VRK2: variants seen among roughly 807,000 people sequenced by gnomAD.
The protein encoded by VRK2 is serine/threonine-protein kinase VRK2.
VRK2 carries 60 observed loss-of-function variants against 57.6 expected under a neutral mutation model. The ratio of observed to expected loss-of-function variants is 1.04; its 90% confidence interval spans 0.85 to 1.29. The LOEUF is 1.29. Among genes scored for constraint, VRK2 ranks in the 50% most tolerant of loss-of-function variants. VRK2 has a pLI of 0.00. For missense variants in VRK2, 705 were observed against 588.1 expected, an observed-to-expected ratio of 1.20 and a Z score of -2.06; for synonymous variants, 231 against 199.2, an observed-to-expected ratio of 1.16 and a Z score of -1.35.
chr2:58,090,653 G>T (rs956000890), intron 7 of VRK2, among the ~76,000 whole-genome samples: 7 of 152,144 alleles, frequency 4.6e-5, no homozygotes, highest in Non-Finnish European at 1.0e-4. Flanking sequence ...CAGTTGGGCA[G>T]TTACTTAGAA....
chr2:58,027,074 T>C (rs745839582), intron 2 of VRK2, among the ~76,000 whole-genome samples: 6 of 152,112 alleles, frequency 3.9e-5, no homozygotes, highest in Non-Finnish European at 7.4e-5. Context: ...TTTAAACTTT[T>C]ATTTAAATAA....
chr2:57,991,791 CA>C (rs1205548555), intron 1 of VRK2, among the ~76,000 whole-genome samples: 8,636 of 113,902 alleles, frequency 0.076, 770 homozygotes, highest in African/African-American at 0.23. Context: ...ACTAAAAATA[CA>C]AAAAAAAAAA....
At chr2:57,951,917 T>G (rs537696291) in intron 1 of VRK2, among the ~76,000 whole-genome samples, 1 of 146,194 alleles carries the variant, frequency 6.8e-6, no homozygotes, top group South Asian at 2.1e-4. Flanking sequence ...GTAATTTTTT[T>G]TCCTTCCTTT....
intron 1 of VRK2, among the ~76,000 whole-genome samples, chr2:57,998,246 T>C (rs1672986535): frequency 6.6e-6 from 1 of 152,238 alleles, no homozygotes; most frequent in African/African-American, 2.4e-5. Context: ...ATTATGAGTA[T>C]CATGTTTCCA....
At chr2:57,985,813 G>A (rs1672576764) in intron 1 of VRK2, among the ~76,000 whole-genome samples, 1 of 151,980 alleles carries the variant, frequency 6.6e-6, no homozygotes, top group African/African-American at 2.4e-5. Context: ...AAAATCCTAA[G>A]GAATCCACTA....
intron 1 of VRK2, among the ~76,000 whole-genome samples, chr2:57,990,954 A>G (rs1672747171): frequency 6.6e-6 from 1 of 152,192 alleles, no homozygotes; most frequent in African/African-American, 2.4e-5. Flanking sequence ...AGTTGGGAAT[A>G]GGAATTTTAT....
In VRK2 at chr2:58,064,245, T is replaced by C. The variant is rs940028013; in HGVS notation, c.136+15278T>C. On this transcript the variant is annotated intron_variant, in intron 2 of 12. Coordinates refer to ENST00000340157, the MANE Select transcript of VRK2 (RefSeq NM_006296.7). ...GTCTTCAATTTTGAAAGGTCTGTTGTAGATAAAATGCTAACAAACAACATT... is the reference window on the plus strand; with the variant it reads ...GTCTTCAATTTTGAAAGGTCTGTTGCAGATAAAATGCTAACAAACAACATT... Among the ~76,000 whole-genome samples the C allele has an allele frequency of 3.9e-5, 6 of 152,200 alleles. No individual in the cohort carries two copies. In the South Asian group the frequency reaches 1.2e-3, roughly 32 times the overall value.
intron 1 of VRK2, among the ~76,000 whole-genome samples, chr2:58,001,286 G>A (rs1462167673): frequency 6.6e-6 from 1 of 152,060 alleles, no homozygotes; most frequent in Admixed American, 6.5e-5. Context: ...TTGCTTACTT[G>A]AACAAATACT....
chr2:58,088,546 A>G (rs1671949574), intron 6 of VRK2, 100 bp downstream of exon 6: 19 of 951,048 alleles, frequency 2.0e-5, no homozygotes, highest in Middle Eastern at 2.4e-4. Flanking sequence ...ATGAAGGATT[A>G]TTGCCCTAGA....
intron 7 of VRK2, among the ~76,000 whole-genome samples, chr2:58,106,025 T>A (rs1468449578): frequency 3.3e-5 from 5 of 151,910 alleles, no homozygotes; most frequent in African/African-American, 4.8e-5. Flanking sequence ...AAAGTCTTGA[T>A]TAGGTTCAGA....
At chr2:58,089,129 G>T (rs1672028187) in intron 6 of VRK2, among the ~76,000 whole-genome samples, 1 of 152,162 alleles carries the variant, frequency 6.6e-6, no homozygotes, top group African/African-American at 2.4e-5. Context: ...AACATGCAAG[G>T]CTGAAGGGCT....
upstream of VRK2, among the ~76,000 whole-genome samples, chr2:58,043,849 A>C (rs1159770811): frequency 6.6e-6 from 1 of 152,220 alleles, no homozygotes; most frequent in Non-Finnish European, 1.5e-5. Flanking sequence ...AATATAAGAG[A>C]GTTCCAAGTT....
At chr2:57,972,406 C>T (rs925118180) in intron 1 of VRK2, among the ~76,000 whole-genome samples, 25 of 151,926 alleles carry the variant, frequency 1.6e-4, no homozygotes, top group Non-Finnish European at 2.9e-4. Context: ...TTTGCTTTAT[C>T]TTACTATACA....
chr2:58,006,676 G>T (rs1209579797), intron 1 of VRK2, among the ~76,000 whole-genome samples: 5 of 152,122 alleles, frequency 3.3e-5, no homozygotes, highest in Non-Finnish European at 5.9e-5. Flanking sequence ...AATCTCCAAG[G>T]CAAGGTGGGT....
intron 1 of VRK2, among the ~76,000 whole-genome samples, chr2:57,990,498 C>T (rs762608625): frequency 2.0e-5 from 3 of 152,138 alleles, no homozygotes; most frequent in Non-Finnish European, 4.4e-5. Flanking sequence ...AATACATTAA[C>T]GTTTGCCTTT....
intron 1 of VRK2, among the ~76,000 whole-genome samples, chr2:57,988,627 C>A (rs1672671543): frequency 6.6e-6 from 1 of 152,222 alleles, no homozygotes; most frequent in Non-Finnish European, 1.5e-5. Flanking sequence ...GAATATCCAT[C>A]TTATTCTGCC....
intron 1 of VRK2, among the ~76,000 whole-genome samples, chr2:57,981,136 G>C (rs1672411815): frequency 6.6e-6 from 1 of 152,136 alleles, no homozygotes; most frequent in South Asian, 2.1e-4. Context: ...ATGTCAGTGG[G>C]CTATGTACTT....
At chr2:58,156,579 G>GGTGTT (rs1271440208) in intron 12 of VRK2, among the ~76,000 whole-genome samples, 1 of 139,126 alleles carries the variant, frequency 7.2e-6, no homozygotes, top group African/African-American at 3.4e-5. Flanking sequence ...GGGTGGTGGT[G>GGTGTT]TTTTTTTTGT....
chr2:57,948,118 TTCAAAGTGCTATAC>T (rs1358139620), intron 1 of VRK2, among the ~76,000 whole-genome samples: 1 of 152,210 alleles, frequency 6.6e-6, no homozygotes, highest in Non-Finnish European at 1.5e-5. Flanking sequence ...ATGTTTTATA[TTCAAAGTGCTATAC>T]TCAAATTCTT....
Sources: gnomAD v4.1 joint callset for allele counts (sites outside exome capture counted in the v4.1 genomes callset) on GRCh38, gnomAD v4.1.1 for gene constraint, MANE v1.5 for transcripts, NCBI Gene and HGNC (gene_info 2026-07-23, HGNC 2026-07-21) for gene names.